The following MYO18B variants were observed in gnomAD, a reference collection of about 807,000 sequenced individuals.
MYO18B encodes unconventional myosin-XVIIIb.
In MYO18B, 204 loss-of-function variants were observed where a neutral mutation model predicts 273.0. The observed-to-expected ratio is 0.75, with a 90% CI of 0.67 to 0.84. The LOEUF (loss-of-function observed/expected upper bound fraction) is 0.84, where lower values mean the gene tolerates loss of function less well. Ranked by LOEUF, MYO18B falls within the 40% of genes least tolerant of loss-of-function variation. MYO18B has a pLI of 0.00. For missense variants in MYO18B, 3,212 were observed against 3,287.6 expected (o/e 0.98, Z 0.56); for synonymous variants, 1,330 against 1,305.7 (o/e 1.02, Z -0.40).
At chr22:25,844,067 C>T (rs2090164244) in intron 18 of MYO18B, among the ~76,000 whole-genome samples, 173 bp downstream of exon 18, 1 of 152,190 alleles carries the variant, frequency 6.6e-6, no homozygotes. Context: ...GCAGTGTCTC[C>T]CTGGGGCCAG....
intron 21 of MYO18B, among the ~76,000 whole-genome samples, chr22:25,852,949 CTAAT>C (rs1339838087): frequency 6.6e-6 from 1 of 152,166 alleles, no homozygotes; most frequent in Non-Finnish European, 1.5e-5. Context: ...GCTACAAAAA[CTAAT>C]TAAACAAGAG....
chr22:26,028,929 T>G (rs1329639169), intron 43 of MYO18B, among the ~76,000 whole-genome samples: 1 of 150,936 alleles, frequency 6.6e-6, no homozygotes, highest in East Asian at 1.9e-4. Context: ...AACCAAGGCT[T>G]ACATTTATTG....
chr22:26,033,370 G>T (rs8143085), downstream of MYO18B, among the ~76,000 whole-genome samples: 11,996 of 152,216 alleles, frequency 0.079, 507 homozygotes, highest in Middle Eastern at 0.15. Context: ...TGAATATACT[G>T]TCAGGAGCAA....
At chr22:25,898,730 A>T (rs1290073761) in intron 29 of MYO18B, 1 of 406,048 alleles carries the variant, frequency 2.5e-6, no homozygotes, top group East Asian at 4.5e-5. Flanking sequence ...GGGCCTTAAC[A>T]TCCCCATTTG....
intron 16 of MYO18B, among the ~76,000 whole-genome samples, chr22:25,833,991 C>A (rs907552649): frequency 6.6e-6 from 1 of 152,140 alleles, no homozygotes; most frequent in African/African-American, 2.4e-5. Context: ...TTCTGGTTGG[C>A]ATCTGTCTAG....
At chr22:25,924,231 G>C (rs2092389106) in intron 34 of MYO18B, among the ~76,000 whole-genome samples, 1 of 152,218 alleles carries the variant, frequency 6.6e-6, no homozygotes, top group Non-Finnish European at 1.5e-5. Flanking sequence ...TACAGTATTT[G>C]TCCTTTGCCT....
intron 25 of MYO18B, among the ~76,000 whole-genome samples, chr22:25,885,864 T>C (rs2091483185): frequency 6.6e-6 from 1 of 152,180 alleles, no homozygotes; most frequent in Non-Finnish European, 1.5e-5. Flanking sequence ...GGGTGGTGTG[T>C]CACCCTCCTA....
chr22:25,866,784 CAAAAAAAAAAAAAAAAA>C (rs56260207), intron 21 of MYO18B, among the ~76,000 whole-genome samples: 1 of 40,168 alleles, frequency 2.5e-5, no homozygotes, highest in Non-Finnish European at 5.7e-5. Context: ...GACTCCGTCT[CAAAAAAAAAAAAAAAAA>C]AAAAAAAAAA....
At chr22:25,865,302 G>A (rs1452460774) in intron 21 of MYO18B, among the ~76,000 whole-genome samples, 1 of 152,140 alleles carries the variant, frequency 6.6e-6, no homozygotes, top group Non-Finnish European at 1.5e-5. Flanking sequence ...GAGATCAACA[G>A]AACAGAATAT....
At chr22:26,014,668 A>G (rs2146959968) in intron 42 of MYO18B, among the ~76,000 whole-genome samples, 1 of 152,288 alleles carries the variant, frequency 6.6e-6, no homozygotes, top group South Asian at 2.1e-4. Context: ...TCCAATGTAC[A>G]CTTCCACCAA....
intron 39 of MYO18B, among the ~76,000 whole-genome samples, chr22:25,957,031 C>G (rs2146657897): frequency 6.6e-6 from 1 of 152,300 alleles, no homozygotes; most frequent in African/African-American, 2.4e-5. Context: ...CCTCCACACC[C>G]ATGGCCCTGG....
intron 23 of MYO18B, among the ~76,000 whole-genome samples, chr22:25,874,996 A>G (rs2091151836): frequency 6.6e-6 from 1 of 152,364 alleles, no homozygotes; most frequent in South Asian, 2.1e-4. Flanking sequence ...AGCTGCTATT[A>G]CCTTAGAATT....
chr22:26,022,046 G>A (rs1935865146), intron 42 of MYO18B, among the ~76,000 whole-genome samples: 1 of 152,152 alleles, frequency 6.6e-6, no homozygotes, highest in Non-Finnish European at 1.5e-5. Context: ...AGGGTGGGCA[G>A]AAGAAGTCTC....
At chr22:25,816,771 A>G (rs1367537651) in intron 12 of MYO18B, among the ~76,000 whole-genome samples, 2 of 152,092 alleles carry the variant, frequency 1.3e-5, no homozygotes, top group Non-Finnish European at 2.9e-5. Context: ...TGGAGGTGGG[A>G]TTTGAACTGA....
chr22:25,785,296 C>T, intron 10 of MYO18B, 132 bp from the exon 11 acceptor site: 1 of 754,296 alleles, frequency 1.3e-6, no homozygotes, highest in South Asian at 1.8e-5. Context: ...TTAGTGGGGC[C>T]AAGGCCAGGG....
intron 33 of MYO18B, among the ~76,000 whole-genome samples, chr22:25,918,703 G>A (rs2146428830): frequency 6.6e-6 from 1 of 152,296 alleles, no homozygotes; most frequent in South Asian, 2.1e-4. Context: ...CAACATCAGG[G>A]AATGTCCCTG....
At chr22:25,773,297 T>C (rs1232990910) in intron 7 of MYO18B, among the ~76,000 whole-genome samples, 1 of 152,056 alleles carries the variant, frequency 6.6e-6, no homozygotes, top group African/African-American at 2.4e-5. Context: ...GTTGCTGTTC[T>C]AGGAAGAAAA....
intron 33 of MYO18B, among the ~76,000 whole-genome samples, chr22:25,912,714 T>C: frequency 6.6e-6 from 1 of 152,216 alleles, no homozygotes; most frequent in Admixed American, 6.5e-5. Context: ...ACAAAACGTT[T>C]TAAGAACGGT....
the MYO18B span, among the ~76,000 whole-genome samples, chr22:26,053,106 C>T: frequency 3.3e-5 from 5 of 152,074 alleles, no homozygotes; most frequent in South Asian, 2.1e-4. Context: ...CACACCCGGC[C>T]GAATTGGGTG....
Sources: gnomAD v4.1 joint callset for allele counts (sites outside exome capture counted in the v4.1 genomes callset) on GRCh38, gnomAD v4.1.1 for gene constraint, MANE v1.5 for transcripts, NCBI Gene and HGNC (gene_info 2026-07-23, HGNC 2026-07-21) for gene names.